CDC27: variants seen among roughly 807,000 people sequenced by gnomAD.
The protein encoded by CDC27 is cell division cycle 27, also known as cell division cycle protein 27 homolog.
CDC27 carries 27 observed loss-of-function variants against 109.7 expected under a neutral mutation model. The observed-to-expected ratio is 0.25, with a 90% CI of 0.18 to 0.34. The LOEUF (loss-of-function observed/expected upper bound fraction) is 0.34. Among genes scored for constraint, CDC27 ranks in the 10% least tolerant of loss-of-function variants. CDC27 has a pLI of 1.00. For synonymous variants in CDC27, 266 were observed against 333.9 expected, an observed-to-expected ratio of 0.80 and a Z score of 2.22; for missense variants, 579 against 960.2, an observed-to-expected ratio of 0.60 and a Z score of 5.25.
Position 47,151,817 on chromosome 17 carries a change from A to G in CDC27, c.1059T>C (p.Gly353=). The part of the protein sequence containing the change: ...TPILAQTQSS[G]PQTSTTPQVL... Reference sequence around the variant, plus strand: ...ACAATGATAAATACCTTGTTTGTGGACCAGAACTTTGTGTTTGTGCAAGAA... The same window carrying G: ...ACAATGATAAATACCTTGTTTGTGGGCCAGAACTTTGTGTTTGTGCAAGAA... Residue 353 remains glycine (G), a synonymous_variant, in exon 9 of 19, where the codon GGT becomes GGC. Transcript: ENST00000066544. 6.3e-7 allele frequency: 1 copy of G among 1,597,822 alleles called. No individual in the cohort carries two copies. Among genetic ancestry groups the G allele is most frequent in the Non-Finnish European group, 8.5e-7 (1 of 1,172,786 alleles).
chr17:47,172,145 G>GA (rs2063830352), intron 2 of CDC27, 81 bp from the exon 3 acceptor site: 4 of 870,340 alleles, frequency 4.6e-6, no homozygotes, highest in South Asian at 3.1e-5. Context: ...AACAAGTTTA[G>GA]CAAAAAAAAA....
chr17:47,171,167 G>C (rs1173796197), intron 3 of CDC27: 2 of 152,162 alleles, frequency 1.3e-5, no homozygotes, highest in Non-Finnish European at 2.9e-5. Flanking sequence ...TCCACATTAG[G>C]ATCTTTGAAA....
intron 14 of CDC27, 67 bp from the exon 15 acceptor site, chr17:47,132,441 G>A (rs543740908): frequency 1.4e-6 from 1 of 695,426 alleles, no homozygotes; most frequent in South Asian, 2.4e-5. Flanking sequence ...AGTTCAATTA[G>A]TAAAAGAACA....
rs1175889512 is a variant in CDC27 at position 47,118,603 on chromosome 17, G to C, written c.*2332C>G. ...ACCAACCTAATATATGTGTGAAACA[G>C]AGAAAAGGATGTCAAACTACTTAAT... On this transcript the variant is annotated 3_prime_UTR_variant, in exon 19 of 19. Transcript: ENST00000066544. The C allele has an allele frequency of 1.3e-5, 2 of 152,554 alleles. No individual in the cohort carries two copies. The highest frequency in any genetic ancestry group is 2.9e-5 in the Non-Finnish European group (2 of 68,036). 9.5% of individuals were successfully genotyped at this position (152,554 alleles called of 1,614,324 possible). A position where few individuals can be genotyped will look rare whatever the true frequency, so the allele number is the denominator to read the frequency against.
intron 2 of CDC27, among the ~76,000 whole-genome samples, chr17:47,176,635 T>C (rs545477759): frequency 2.0e-5 from 3 of 152,280 alleles, no homozygotes; most frequent in East Asian, 3.9e-4. Flanking sequence ...AACAGATCCT[T>C]ACAACAATTA....
chr17:47,158,620 ATTTT>A (rs376030802), intron 4 of CDC27, among the ~76,000 whole-genome samples: 1 of 140,824 alleles, frequency 7.1e-6, no homozygotes, highest in Non-Finnish European at 1.6e-5. Context: ...ATTATTCTTA[ATTTT>A]TTTTTTTTTT....
chr17:47,167,738 A>G (rs553686289), intron 4 of CDC27, among the ~76,000 whole-genome samples: 2 of 152,318 alleles, frequency 1.3e-5, no homozygotes, highest in Admixed American at 1.3e-4. Context: ...CACACCAAGC[A>G]TCAAACGCCA....
At chr17:47,144,435 TACA>T (rs1361097580) in intron 9 of CDC27, among the ~76,000 whole-genome samples, 2 of 152,200 alleles carry the variant, frequency 1.3e-5, no homozygotes, top group Non-Finnish European at 2.9e-5. Context: ...CATTTGCAAC[TACA>T]ACAAGTTAGA....
At chr17:47,167,755 T>C (rs1049585368) in intron 4 of CDC27, among the ~76,000 whole-genome samples, 1 of 152,218 alleles carries the variant, frequency 6.6e-6, no homozygotes, top group African/African-American at 2.4e-5. Flanking sequence ...GCCAGCTGAA[T>C]GTCCGCTAAT....
intron 14 of CDC27, among the ~76,000 whole-genome samples, chr17:47,133,998 G>A (rs188270375): frequency 1.5e-3 from 224 of 152,230 alleles, no homozygotes; most frequent in African/African-American, 5.0e-3. Context: ...TGATCTGCTT[G>A]TCCCAGCCTA....
intron 4 of CDC27, among the ~76,000 whole-genome samples, chr17:47,160,227 C>CTTTTT (rs759655850): frequency 7.4e-6 from 1 of 135,680 alleles, no homozygotes. Context: ...GCCTCTCTAG[C>CTTTTT]TTTTTTTTTT....
At chr17:47,178,229 A>G (rs2064089301) in intron 2 of CDC27, among the ~76,000 whole-genome samples, 1 of 152,104 alleles carries the variant, frequency 6.6e-6, no homozygotes, top group Non-Finnish European at 1.5e-5. Flanking sequence ...AGTGTATCAT[A>G]TCTAATAAGG....
chr17:47,169,965 A>G lies in CDC27; in HGVS notation c.329T>C (p.Phe110Ser), dbSNP rs2063765886. 1 of 1,598,794 alleles carries G rather than the reference A, an allele frequency of 6.3e-7. No homozygotes were observed. The highest frequency in any genetic ancestry group is 1.4e-5 in the African/African-American group (1 of 74,008). ...AAGAGTAAAGCAAGCTGAATCACCAAACTCAGTAACAATATCATCATGGCT... is the reference window on the plus strand; with the variant it reads ...AAGAGTAAAGCAAGCTGAATCACCAGACTCAGTAACAATATCATCATGGCT... ...QKSHDDIVTE[F>S]GDSACFTLSL... Residue 110 changes from phenylalanine (F) to serine (S), a missense_variant, in exon 4 of 19, where the codon TTT (phenylalanine) becomes TCT (serine). Transcript: ENST00000066544.
chr17:47,138,965 A>T (rs541793780), intron 12 of CDC27, 74 bp from the exon 13 acceptor site: 9 of 988,378 alleles, frequency 9.1e-6, no homozygotes, highest in Non-Finnish European at 1.3e-5. Context: ...AGCCCTGGTC[A>T]TTATCTTCAC....
intron 12 of CDC27, chr17:47,139,972 G>C (rs11570532): frequency 6.6e-6 from 1 of 151,432 alleles, no homozygotes; most frequent in African/African-American, 2.4e-5. Flanking sequence ...GCCAGAAAAG[G>C]TCTAGGTAAT....
intron 4 of CDC27, chr17:47,159,310 G>A (rs2063418420): frequency 1.5e-6 from 1 of 656,830 alleles, no homozygotes; most frequent in Admixed American, 2.9e-5. Context: ...TCCTTCCAGA[G>A]GTCCGGGGTC....
rs974571745 is a variant in CDC27 at position 47,171,917 on chromosome 17, T to A, written c.251A>T (p.Lys84Met). 5 of 1,583,234 alleles carry A rather than the reference T, an allele frequency of 3.2e-6. No homozygotes were observed. The highest frequency in any genetic ancestry group is 4.3e-6 in the Non-Finnish European group (5 of 1,168,652). The change falls in exon 3 of 19, where the codon AAG becomes ATG. Residue 84 changes from lysine (K) to methionine (M), a missense_variant and splice_region_variant. Lys to Met is a moderately conservative substitution (Grantham distance 95). This residue lies in a region of CDC27 where 52 missense variants were observed against 63.4 expected (regional missense o/e 0.82). Transcript: ENST00000066544. ...AGCTAGAAAATATTTTAAAACTTAC[T>A]TGCTGAGATCAACACAACATTTTGC... The part of the protein sequence containing the change: ...LLAKCCVDLS[K>M]LAEGEQILSG...
chr17:47,142,515 T>C, intron 10 of CDC27, 79 bp from the exon 11 acceptor site: 1 of 577,630 alleles, frequency 1.7e-6, no homozygotes, highest in South Asian at 2.7e-5. Context: ...CAGTATTAGA[T>C]ATAAAATAAA....
At chr17:47,145,727 C>T (rs540364625) in intron 9 of CDC27, among the ~76,000 whole-genome samples, 143 of 152,080 alleles carry the variant, frequency 9.4e-4, no homozygotes, top group Admixed American at 2.3e-3. Flanking sequence ...ATGGTGGAAC[C>T]CCATCTCTAC....
Sources: allele counts gnomAD v4.1 joint callset (sites outside exome capture counted in the v4.1 genomes callset), GRCh38; gene constraint gnomAD v4.1.1; regional missense constraint gnomAD v4.1.1; transcripts MANE v1.5; gene names NCBI Gene and HGNC (gene_info 2026-07-23, HGNC 2026-07-21).